The following PIBF1 variants were observed in gnomAD, a reference collection of about 807,000 sequenced individuals.
PIBF1 encodes progesterone-induced-blocking factor 1.
PIBF1 carries 90 observed loss-of-function variants against 112.5 expected under a neutral mutation model. That is an observed-to-expected ratio of 0.80 (90% CI 0.67 to 0.95). The LOEUF is 0.95. Ranked by LOEUF, PIBF1 falls within the 40% of genes least tolerant of loss-of-function variation. The probability of loss-of-function intolerance (pLI) is 0.00; values close to 1 mark genes in which losing one functional copy is unlikely to be tolerated. For synonymous variants in PIBF1, 301 were observed against 288.6 expected (o/e 1.04, Z -0.44); for missense variants, 915 against 852.3 (o/e 1.07, Z -0.92).
chr13:72,784,179 A>C (rs569490632), intron 2 of PIBF1, among the ~76,000 whole-genome samples: 1 of 150,954 alleles, frequency 6.6e-6, no homozygotes, highest in East Asian at 1.9e-4. Flanking sequence ...TATGTTGTAC[A>C]TGACATATAC....
intron 16 of PIBF1, among the ~76,000 whole-genome samples, chr13:72,981,560 C>A (rs1022684083): frequency 6.6e-6 from 1 of 151,930 alleles, no homozygotes; most frequent in African/African-American, 2.4e-5. Context: ...AGAGAGTTCC[C>A]ATCTAATGGA....
At chr13:72,965,518 C>G (rs1594283997) in intron 15 of PIBF1, 114 bp downstream of exon 15, 2 of 782,884 alleles carry the variant, frequency 2.6e-6, no homozygotes, top group Non-Finnish European at 4.0e-6. Context: ...ATGAAGGTGT[C>G]TTAAATGTAA....
intron 15 of PIBF1, among the ~76,000 whole-genome samples, chr13:72,966,414 AGTTT>A (rs1370149526): frequency 6.6e-6 from 1 of 152,120 alleles, no homozygotes; most frequent in Non-Finnish European, 1.5e-5. Context: ...AAAATAAATA[AGTTT>A]GTTTCTAGAT....
chr13:72,827,238 A>ATTTT (rs35211035), intron 7 of PIBF1, 120 bp downstream of exon 7: 7 of 141,906 alleles, frequency 4.9e-5, no homozygotes, highest in Non-Finnish European at 9.0e-5. Flanking sequence ...AAAAAGATAA[A>ATTTT]TTTTTTTTTT....
At chr13:72,997,271 G>A (rs1304048356) in intron 16 of PIBF1, among the ~76,000 whole-genome samples, 1 of 152,136 alleles carries the variant, frequency 6.6e-6, no homozygotes, top group Non-Finnish European at 1.5e-5. Context: ...TAGAACAGGA[G>A]CTGAAATCTA....
At chr13:72,980,718 T>C (rs756058080) in intron 16 of PIBF1, among the ~76,000 whole-genome samples, 11 of 151,430 alleles carry the variant, frequency 7.3e-5, no homozygotes, top group Non-Finnish European at 1.6e-4. Context: ...TCTGGGAGAA[T>C]TGCTTGAGCC....
At position 72,832,071 on chromosome 13, in the gene PIBF1, CCTTT is replaced by C. The variant is rs1414794134; in HGVS notation, c.1098-3171_1098-3168del. Among the ~76,000 whole-genome samples, 225 of 59,430 alleles carry C rather than the reference CCTTT, an allele frequency of 3.8e-3. 35 individuals carry two copies. Among genetic ancestry groups the C allele is most frequent in the Middle Eastern group, 0.012 (1 of 82 alleles). The allele number at this position is 59,430 out of a possible 152,430, so 39.0% of individuals were successfully genotyped here. Reference sequence around the variant, plus strand: ...TCAGAGATTAGAATTGCAATTCCGGCCTTTTTTTTTTTTTTTTTTTTTTTTTTTT... The same window carrying C: ...TCAGAGATTAGAATTGCAATTCCGGCTTTTTTTTTTTTTTTTTTTTTTTTT... On this transcript the variant is annotated intron_variant, in intron 8 of 17. Transcript: ENST00000326291.
At chr13:72,935,889 T>C (rs1034492410) in intron 14 of PIBF1, among the ~76,000 whole-genome samples, 61 of 152,128 alleles carry the variant, frequency 4.0e-4, no homozygotes, top group Non-Finnish European at 1.3e-4. Context: ...GTTTGTCCTC[T>C]TATTCTTGAG....
intron 15 of PIBF1, among the ~76,000 whole-genome samples, chr13:72,970,176 G>A (rs1043130623): frequency 6.2e-5 from 9 of 144,024 alleles, no homozygotes; most frequent in African/African-American, 2.0e-4. Context: ...TTCTAGAAAG[G>A]CTAGAGTAAA....
At position 72,783,658 on chromosome 13, in the gene PIBF1, A is replaced by G. The variant is rs779138935; in HGVS notation, c.189A>G (p.Leu63=). The part of the protein sequence containing the change: ...RKELLHNIQL[L]KIELSQKTMM... Reference sequence around the variant, plus strand: ...AACTACTTCATAATATTCAGTTACTAAAAATTGAGCTATCCCAGAAAACTA... The same window carrying G: ...AACTACTTCATAATATTCAGTTACTGAAAATTGAGCTATCCCAGAAAACTA... Residue 63 remains leucine, a synonymous_variant, in exon 2 of 18, where the codon CTA becomes CTG. Transcript: ENST00000326291. 3.1e-6 allele frequency: 5 copies of G among 1,613,918 alleles called. No homozygotes were observed. The South Asian group carries it at 5.5e-5, about 18-fold the overall frequency.
intron 5 of PIBF1, among the ~76,000 whole-genome samples, chr13:72,816,390 C>T (rs1261671757): frequency 1.3e-5 from 2 of 152,156 alleles, no homozygotes; most frequent in Non-Finnish European, 2.9e-5. Flanking sequence ...CGCCTGTAAT[C>T]CCACTTTGGG....
intron 10 of PIBF1, among the ~76,000 whole-genome samples, chr13:72,865,878 A>G (rs1461913894): frequency 6.6e-6 from 1 of 152,234 alleles, no homozygotes; most frequent in Non-Finnish European, 1.5e-5. Flanking sequence ...AACACAATTT[A>G]AAACTATACT....
chr13:72,910,743 A>C (rs1313371477), intron 12 of PIBF1, among the ~76,000 whole-genome samples: 2 of 152,222 alleles, frequency 1.3e-5, no homozygotes, highest in Non-Finnish European at 2.9e-5. Context: ...TGATAAGTGA[A>C]TATAGCAGAA....
chr13:72,988,644 C>A (rs992218340), intron 16 of PIBF1, among the ~76,000 whole-genome samples: 2 of 152,074 alleles, frequency 1.3e-5, no homozygotes, highest in Non-Finnish European at 2.9e-5. Flanking sequence ...GTTATATTTT[C>A]TTTTAAACTA....
chr13:72,993,567 A>G (rs1179098720), intron 16 of PIBF1, among the ~76,000 whole-genome samples: 1 of 151,830 alleles, frequency 6.6e-6, no homozygotes, highest in African/African-American at 2.4e-5. Flanking sequence ...TAACACAGTG[A>G]AACCCTGACT....
intron 14 of PIBF1, among the ~76,000 whole-genome samples, chr13:72,951,159 C>T (rs1054387784): frequency 7.9e-5 from 12 of 152,314 alleles, no homozygotes; most frequent in African/African-American, 2.6e-4. Context: ...CACATCAGTG[C>T]ACACATGCGT....
intron 7 of PIBF1, 109 bp from the exon 8 acceptor site, chr13:72,827,624 A>C (rs1230732059): frequency 3.8e-5 from 25 of 656,832 alleles, no homozygotes; most frequent in Non-Finnish European, 5.5e-5. Flanking sequence ...TTTTAAAAGG[A>C]AAATTTTCAT....
chr13:72,791,897 G>T (rs976495913), intron 2 of PIBF1, among the ~76,000 whole-genome samples: 2 of 152,002 alleles, frequency 1.3e-5, no homozygotes, highest in African/African-American at 4.8e-5. Flanking sequence ...GCCTCCCAAA[G>T]TGCTGGGATT....
At chr13:72,876,570 G>A (rs2039418614) in intron 10 of PIBF1, among the ~76,000 whole-genome samples, 1 of 152,038 alleles carries the variant, frequency 6.6e-6, no homozygotes, top group Admixed American at 6.6e-5. Context: ...CATATATGTA[G>A]AGTATTTTTA....
Sources: allele counts gnomAD v4.1 joint callset (sites outside exome capture counted in the v4.1 genomes callset), GRCh38; gene constraint gnomAD v4.1.1; transcripts MANE v1.5; gene names NCBI Gene and HGNC (gene_info 2026-07-23, HGNC 2026-07-21).